The following SRMS variants were observed in gnomAD, a reference collection of about 807,000 sequenced individuals.
SRMS encodes the protein src-related kinase lacking C-terminal regulatory tyrosine and N-terminal myristylation sites.
In SRMS, 42 loss-of-function variants were observed where a neutral mutation model predicts 43.5. The ratio of observed to expected loss-of-function variants is 0.97; its 90% CI spans 0.75 to 1.25. The LOEUF is 1.25. Among genes scored for constraint, SRMS ranks in the 50% most tolerant of loss-of-function variants. The pLI is 0.00. For synonymous variants in SRMS, 316 were observed against 308.2 expected (o/e 1.03, Z -0.27); for missense variants, 703 against 681.0 (o/e 1.03, Z -0.36).
Position 63,547,388 on chromosome 20 carries a change from G to A in SRMS, c.76C>T (p.Pro26Ser). Reference sequence around the variant, plus strand: ...AGGGACCCGGGGGTGCCATGGTCCGGCTCGCCGCCCGCCGGCCAGATCTTG... The same window carrying A: ...AGGGACCCGGGGGTGCCATGGTCCGACTCGCCGCCCGCCGGCCAGATCTTG... ...WDKIWPAGGE[P>S]DHGTPGSLDP... The change falls in exon 1 of 8, where the codon CCG becomes TCG. Residue 26 changes from proline (P) to serine (S), a missense_variant. Coordinates refer to ENST00000217188, the MANE Select transcript of SRMS (RefSeq NM_080823.4). 6.4e-7 allele frequency: 1 copy of A among 1,561,046 alleles called. No homozygotes were observed. The highest frequency in any genetic ancestry group is 8.7e-7 in the Non-Finnish European group (1 of 1,153,410).
At chr20:63,541,869 C>G (rs2082705940) in intron 5 of SRMS, among the ~76,000 whole-genome samples, 1 of 152,254 alleles carries the variant, frequency 6.6e-6, no homozygotes, top group African/African-American at 2.4e-5. Context: ...AGAGGCTGGG[C>G]TGGGTCTATG....
intron 2 of SRMS, chr20:63,543,746 A>G (rs1569018261): frequency 2.2e-6 from 1 of 457,302 alleles, no homozygotes; most frequent in Non-Finnish European, 3.9e-6. Flanking sequence ...GAATGAGTCC[A>G]TGAGTCAGTG....
intron 2 of SRMS, 73 bp downstream of exon 2, chr20:63,544,154 G>A: frequency 7.3e-7 from 1 of 1,366,348 alleles, no homozygotes; most frequent in Non-Finnish European, 9.4e-7. Context: ...GCACTGCCTA[G>A]AGACCAACCA....
At chr20:63,546,269 T>C (rs2082729968) in intron 1 of SRMS, among the ~76,000 whole-genome samples, 2 of 151,670 alleles carry the variant, frequency 1.3e-5, no homozygotes, top group African/African-American at 2.4e-5. Flanking sequence ...GGCCCCTTCC[T>C]GTGACTCCGG....
Position 63,544,267 on chromosome 20 carries a change from G to C in SRMS, c.438C>G (p.Ile146Met). 1.4e-6 allele frequency: 2 copies of C among 1,478,168 alleles called. No individual in the cohort carries two copies. The allele number at this position is 1,478,168 out of a possible 1,614,324, so 91.6% of individuals were successfully genotyped here. A position where few individuals can be genotyped will look rare whatever the true frequency, so the allele number is the denominator to read the frequency against. Residue 146 changes from isoleucine (I) to methionine (M), a missense_variant, in exon 2 of 8, where the codon ATC becomes ATG. By Grantham distance (10) the Ile-to-Met change is conservative (BLOSUM62 1). Coordinates refer to ENST00000217188, the MANE Select transcript of SRMS (RefSeq NM_080823.4). ...CCCCGAGGCTGCTCTCGCTGGGCCGGATGAGGAAGGCCCCTGGTTCGTTGG... is the reference window on the plus strand; with the variant it reads ...CCCCGAGGCTGCTCTCGCTGGGCCGCATGAGGAAGGCCCCTGGTTCGTTGG... ...SPPNEPGAFL[I>M]RPSESSLGGY...
Position 63,539,383 on chromosome 20 carries a change from C to T in SRMS, c.*1435G>A, listed in dbSNP as rs2082690325. On this transcript the variant is annotated 3_prime_UTR_variant, in exon 8 of 8. Transcript: ENST00000217188. ...CGGGAGTCTCATCTCTTAGCTCCCT[C>T]CTGAGCCAGGCTTTGGCCGGGGCCT... Among the ~76,000 whole-genome samples, 1 of 152,256 alleles carries T rather than the reference C, an allele frequency of 6.6e-6. No individual in the cohort carries two copies. The highest frequency in any genetic ancestry group is 1.5e-5 in the Non-Finnish European group (1 of 68,046).
At position 63,544,688 on chromosome 20, in the gene SRMS, T is replaced by C. The variant is rs1334103537; in HGVS notation, c.357-340A>G. On this transcript the variant is annotated intron_variant, in intron 1 of 7. Coordinates refer to ENST00000217188, the MANE Select transcript of SRMS (RefSeq NM_080823.4). ...TGGGCCATAGGCCTCCAAACTCGGC[T>C]TCGCTGAGCCCCTGCACAGACATGG... is the stretch of plus-strand genomic sequence containing the variant. Among the ~76,000 whole-genome samples, 5 of 152,232 alleles carry C rather than the reference T, an allele frequency of 3.3e-5. No individual in the cohort carries two copies. The East Asian group carries it at 7.7e-4, about 23-fold the overall frequency.
At position 63,544,404 on chromosome 20, in the gene SRMS, A is replaced by G. The variant is rs1468734636; in HGVS notation, c.357-56T>C. The G allele has an allele frequency of 4.9e-6, 7 of 1,418,638 alleles. No individual in the cohort carries two copies. The South Asian group carries it at 7.3e-5, about 15-fold the overall frequency. The allele number at this position is 1,418,638 out of a possible 1,614,324, so 87.9% of individuals were successfully genotyped here. On this transcript the variant is annotated intron_variant, in intron 1 of 7. Transcript: ENST00000217188. ...CAGGCCCCTCAGCCAGTGGCCCCAC[A>G]TGCTCTCCTCCGTGTTGCCGGCAGG...
At chr20:63,545,465 G>C (rs551543661) in intron 1 of SRMS, among the ~76,000 whole-genome samples, 2 of 152,198 alleles carry the variant, frequency 1.3e-5, no homozygotes, top group African/African-American at 2.4e-5. Context: ...CCTGGGAAGC[G>C]GGACTAGGAG....
chr20:63,541,829 C>G (rs754173994), intron 5 of SRMS, among the ~76,000 whole-genome samples: 2 of 152,242 alleles, frequency 1.3e-5, no homozygotes, highest in Non-Finnish European at 2.9e-5. Flanking sequence ...CGGCCCAGGC[C>G]CCCGACAAAG....
rs752762736 is a variant in SRMS at position 63,541,462 on chromosome 20, A to C, written c.1105T>G (p.Phe369Val). The C allele has an allele frequency of 3.1e-6, 5 of 1,605,990 alleles. No homozygotes were observed. The African/African-American group carries it at 6.7e-5, about 21-fold the overall frequency. Reference sequence around the variant, plus strand: ...ACCTTGAGCAGCCGGGCCAGGCCGAAGTCAGCCACCTTGCAGGCCAGGCCG... The same window carrying C: ...ACCTTGAGCAGCCGGGCCAGGCCGACGTCAGCCACCTTGCAGGCCAGGCCG... ...DDGLACKVAD[F>V]GLARLLKDDI... Residue 369 changes from phenylalanine to valine, a missense_variant, in exon 6 of 8, where the codon TTC becomes GTC. Coordinates refer to ENST00000217188, the MANE Select transcript of SRMS (RefSeq NM_080823.4).
chr20:63,547,545 G>T lies in SRMS; in HGVS notation c.-82C>A. The T allele has an allele frequency of 7.6e-7, 1 of 1,309,954 alleles. No homozygotes were observed. The highest frequency in any genetic ancestry group is 1.0e-6 in the Non-Finnish European group (1 of 990,384). 81.1% of individuals were successfully genotyped at this position (1,309,954 alleles called of 1,614,324 possible). ...GGAACTGGCAGGGCCGGTGGGACCCGGTGTCCAGCGCTCCCTGCCCTGGCC... is the reference window on the plus strand; with the variant it reads ...GGAACTGGCAGGGCCGGTGGGACCCTGTGTCCAGCGCTCCCTGCCCTGGCC... On this transcript the variant is annotated 5_prime_UTR_variant, in exon 1 of 8. Transcript: ENST00000217188.
intron 1 of SRMS, among the ~76,000 whole-genome samples, chr20:63,545,115 C>T (rs552339297): frequency 3.3e-5 from 5 of 152,244 alleles, no homozygotes; most frequent in African/African-American, 1.2e-4. Context: ...TGCCCACACA[C>T]GAGGAGCCCA....
rs748461764 is a variant in SRMS, at chr20:63,542,430, G to A, written c.787+10C>T. The A allele has an allele frequency of 7.5e-6, 12 of 1,608,166 alleles. No individual in the cohort carries two copies. The highest frequency in any genetic ancestry group is 9.3e-6 in the Non-Finnish European group (11 of 1,177,038). The stretch of plus-strand genomic sequence containing the variant: ...GGGCCCGGCCGTGGCGCAGGATCTC[G>A]GGGCCTCACCTGACTTGATGACCTT... On this transcript the variant is annotated intron_variant, in intron 4 of 7. Coordinates refer to ENST00000217188, the MANE Select transcript of SRMS (RefSeq NM_080823.4).
At chr20:63,543,580 C>T in intron 2 of SRMS, 100 bp from the exon 3 acceptor site, 1 of 1,393,840 alleles carries the variant, frequency 7.2e-7, no homozygotes, top group African/African-American at 1.4e-5. Context: ...AGGGGTCTGG[C>T]TCAGACCTAG....
Position 63,542,161 on chromosome 20 carries a change from A to G in SRMS, c.946+2T>C, listed in dbSNP as rs1195479103. 1.3e-5 allele frequency: 21 copies of G among 1,605,018 alleles called. No homozygotes were observed. Among genetic ancestry groups the G allele is most frequent in the Middle Eastern group, 1.6e-4 (1 of 6,064 alleles). The stretch of plus-strand genomic sequence containing the variant: ...CCACGTGGCAGCAGGGAGGGGACTC[A>G]CTGCCCAGGAAGGCCTGCAGGTTCC... On this transcript the variant is annotated splice_donor_variant, in intron 5 of 7. Coordinates refer to ENST00000217188, the MANE Select transcript of SRMS (RefSeq NM_080823.4). LOFTEE classifies it high-confidence loss of function.
At position 63,541,583 on chromosome 20, in the gene SRMS, C is replaced by G. The variant is rs2082704009; in HGVS notation, c.984G>C (p.Leu328=). Residue 328 remains leucine (L), a synonymous_variant, in exon 6 of 8, where the codon CTG becomes CTC. Transcript: ENST00000217188. ...CCTCAGCCACCTGGCAGGCAAAGCC[C>G]AGGAGTGGCGGCAGACGCAGGGCCC... ...EGRALRLPPL[L]GFACQVAEGM... The G allele has an allele frequency of 1.3e-6, 2 of 1,572,648 alleles. No individual in the cohort carries two copies. Among genetic ancestry groups the G allele is most frequent in the Non-Finnish European group, 1.7e-6 (2 of 1,163,182 alleles).
In SRMS at chr20:63,544,333, C is replaced by G. The variant is rs764858404; in HGVS notation, c.372G>C (p.Gly124=). Residue 124 remains glycine, a synonymous_variant, in exon 2 of 8, where the codon GGG becomes GGC. Transcript: ENST00000217188. Reference sequence around the variant, plus strand: ...GCTGCTGTGCCTGGGTCCGACTGACCCCGCTAAAGTACCAGCTGCAAACAG... The same window carrying G: ...GCTGCTGTGCCTGGGTCCGACTGACGCCGCTAAAGTACCAGCTGCAAACAG... ...TLSDQPWYFS[G]VSRTQAQQLL... 3.4e-6 allele frequency: 5 copies of G among 1,474,316 alleles called. No individual in the cohort carries two copies. The African/African-American group carries it at 5.9e-5, about 17-fold the overall frequency. The allele number at this position is 1,474,316 out of a possible 1,614,324, so 91.3% of individuals were successfully genotyped here.
chr20:63,543,667 G>A (rs1266210290), intron 2 of SRMS, 187 bp from the exon 3 acceptor site: 1 of 666,804 alleles, frequency 1.5e-6, no homozygotes, highest in Non-Finnish European at 2.5e-6. Context: ...GGCAGCGAGA[G>A]CGGCCCAGGT....
Sources: allele counts gnomAD v4.1 joint callset (sites outside exome capture counted in the v4.1 genomes callset), GRCh38; gene constraint gnomAD v4.1.1; transcripts MANE v1.5; gene names NCBI Gene and HGNC (gene_info 2026-07-23, HGNC 2026-07-21).